AFF3: variants seen among roughly 807,000 people sequenced by gnomAD.
AFF3 encodes ALF transcription elongation factor 3, also known as AF4/FMR2 family member 3.
Under a neutral mutation model 129.7 loss-of-function variants are expected in AFF3, and 32 were observed. The observed-to-expected ratio is 0.25, with a 90% CI of 0.19 to 0.33. The LOEUF (loss-of-function observed/expected upper bound fraction) is 0.33, where lower values mean the gene tolerates loss of function less well. AFF3 is among the 10% of genes least tolerant of loss of function. The pLI is 1.00. For missense variants in AFF3, 1,373 were observed against 1,592.0 expected (o/e 0.86, Z 2.34); for synonymous variants, 644 against 635.4 (o/e 1.01, Z -0.20).
intron 7 of AFF3, among the ~76,000 whole-genome samples, chr2:99,991,859 C>T (rs548982706): frequency 3.1e-4 from 47 of 151,372 alleles, no homozygotes; most frequent in Non-Finnish European, 5.3e-4. Flanking sequence ...GCCGAGATTG[C>T]GACACTGCAC....
chr2:99,945,228 G>C (rs1675447368), intron 7 of AFF3, among the ~76,000 whole-genome samples: 1 of 152,256 alleles, frequency 6.6e-6, no homozygotes, highest in Non-Finnish European at 1.5e-5. Flanking sequence ...AGATGCTGAA[G>C]TCTTCTTTAC....
intron 7 of AFF3, among the ~76,000 whole-genome samples, chr2:99,934,824 A>C (rs1674377916): frequency 6.6e-6 from 1 of 152,204 alleles, no homozygotes; most frequent in African/African-American, 2.4e-5. Context: ...CCAAGGAGAA[A>C]GTGAATCTGT....
intron 8 of AFF3, among the ~76,000 whole-genome samples, chr2:99,773,521 G>A (rs952767817): frequency 6.6e-6 from 1 of 151,940 alleles, no homozygotes; most frequent in African/African-American, 2.4e-5. Context: ...CAATTCCTGG[G>A]GTTGGGGTTG....
intron 7 of AFF3, among the ~76,000 whole-genome samples, chr2:99,879,792 T>G (rs1692568583): frequency 6.6e-6 from 1 of 152,198 alleles, no homozygotes; most frequent in South Asian, 2.1e-4. Flanking sequence ...ACCACTTTCT[T>G]GAGTATTTTA....
intron 8 of AFF3, among the ~76,000 whole-genome samples, chr2:99,767,058 T>C (rs549686438): frequency 6.6e-6 from 1 of 152,320 alleles, no homozygotes; most frequent in Admixed American, 6.5e-5. Flanking sequence ...TGCTGAACAG[T>C]CTGAGACTTA....
intron 4 of AFF3, among the ~76,000 whole-genome samples, chr2:100,075,418 C>A (rs1688510301): frequency 6.6e-6 from 1 of 152,080 alleles, no homozygotes; most frequent in Non-Finnish European, 1.5e-5. Flanking sequence ...TAAAGAAAAA[C>A]AATATGCAGA....
chr2:99,554,601 T>C, intron 23 of AFF3, 67 bp from the exon 24 acceptor site: 1 of 1,610,440 alleles, frequency 6.2e-7, no homozygotes, highest in South Asian at 1.1e-5. Flanking sequence ...GGCAGCCCCT[T>C]GGGGAACAGA....
At chr2:99,613,632 T>C (rs1030929641) in intron 13 of AFF3, among the ~76,000 whole-genome samples, 4 of 152,262 alleles carry the variant, frequency 2.6e-5, no homozygotes, top group East Asian at 1.9e-4. Context: ...CAGCTTTTGA[T>C]TGATATACCA....
intron 7 of AFF3, among the ~76,000 whole-genome samples, chr2:99,947,128 T>C (rs1367927990): frequency 2.6e-5 from 4 of 152,162 alleles, no homozygotes; most frequent in Non-Finnish European, 5.9e-5. Flanking sequence ...TAAACAAATA[T>C]ACGGGATATA....
chr2:100,084,042 T>C lies in AFF3; in HGVS notation c.53+20360A>G, dbSNP rs141436117. Among the ~76,000 whole-genome samples, 523 of 152,354 alleles carry C rather than the reference T, an allele frequency of 3.4e-3. 3 individuals are homozygous for C. The highest frequency in any genetic ancestry group is 0.012 in the African/African-American group (505 of 41,580). On this transcript the variant is annotated intron_variant, in intron 4 of 24. Transcript: ENST00000672756. The stretch of plus-strand genomic sequence containing the variant: ...GCTATTCCACGTGACCACACCAATC[T>C]TTTTGACCAAATATTCTCTCTCACT...
rs147064309 is a variant in AFF3 at position 99,823,871 on chromosome 2, T to A, written c.921+13606A>T. On this transcript the variant is annotated intron_variant, in intron 8 of 24. Transcript: ENST00000672756. Reference sequence around the variant, plus strand: ...CAGGAACAGAAAATAAAATACCAGGTTCTCACTCATAAGTAGGTGCTAGAC... The same window carrying A: ...CAGGAACAGAAAATAAAATACCAGGATCTCACTCATAAGTAGGTGCTAGAC... Among the ~76,000 whole-genome samples the A allele has an allele frequency of 4.6e-3, 698 of 152,204 alleles. 5 individuals are homozygous for A. Among genetic ancestry groups the A allele is most frequent in the Non-Finnish European group, 8.1e-3 (550 of 68,016 alleles).
intron 18 of AFF3, among the ~76,000 whole-genome samples, chr2:99,574,985 G>T (rs1428213947): frequency 6.6e-6 from 1 of 152,136 alleles, no homozygotes; most frequent in African/African-American, 2.4e-5. Flanking sequence ...GGCACAGAAT[G>T]GAGGTGGGCA....
intron 10 of AFF3, among the ~76,000 whole-genome samples, chr2:99,732,569 GT>G (rs570702090): frequency 7.9e-5 from 12 of 152,226 alleles, no homozygotes; most frequent in African/African-American, 2.9e-4. Context: ...CATCCTGCAT[GT>G]AGCTACAGTT....
chr2:99,691,615 A>G (rs1383156346), intron 11 of AFF3, among the ~76,000 whole-genome samples: 2 of 152,230 alleles, frequency 1.3e-5, no homozygotes, highest in Non-Finnish European at 2.9e-5. Flanking sequence ...CAGTTTATCA[A>G]CTTTGGTCTT....
At chr2:100,000,520 A>G (rs972664200) in intron 7 of AFF3, among the ~76,000 whole-genome samples, 1 of 151,988 alleles carries the variant, frequency 6.6e-6, no homozygotes, top group Non-Finnish European at 1.5e-5. Flanking sequence ...GCGCACACAC[A>G]CACACACACA....
At chr2:100,056,821 T>A (rs574863047) in intron 4 of AFF3, among the ~76,000 whole-genome samples, 2 of 152,306 alleles carry the variant, frequency 1.3e-5, no homozygotes, top group South Asian at 2.1e-4. Context: ...GCAACCACAC[T>A]TTCTGGTTCA....
At chr2:99,695,960 A>AAAAAAAAAAAAAAC (rs1676209232) in intron 11 of AFF3, among the ~76,000 whole-genome samples, 1 of 106,332 alleles carries the variant, frequency 9.4e-6, no homozygotes, top group Non-Finnish European at 1.9e-5. Context: ...AAAAAAAAAA[A>AAAAAAAAAAAAAAC]CCAAAAGAAA....
At chr2:99,901,913 G>T (rs1378662714) in intron 7 of AFF3, among the ~76,000 whole-genome samples, 1 of 151,864 alleles carries the variant, frequency 6.6e-6, no homozygotes, top group East Asian at 1.9e-4. Flanking sequence ...CGGTCCCACA[G>T]TCATCTCTTT....
At chr2:99,901,871 T>C (rs1284948846) in intron 7 of AFF3, among the ~76,000 whole-genome samples, 2 of 152,176 alleles carry the variant, frequency 1.3e-5, no homozygotes, top group Non-Finnish European at 1.5e-5. Flanking sequence ...GAAGGCCAAC[T>C]GCTTGTCACA....
Sources: allele counts gnomAD v4.1 joint callset (sites outside exome capture counted in the v4.1 genomes callset), GRCh38; gene constraint gnomAD v4.1.1; transcripts MANE v1.5; gene names NCBI Gene and HGNC (gene_info 2026-07-23, HGNC 2026-07-21).